The following CTNNA3 variants were observed in gnomAD, a reference collection of about 807,000 sequenced individuals.
CTNNA3 encodes the protein catenin alpha 3, also known as catenin alpha-3.
CTNNA3 carries 76 observed loss-of-function variants against 95.7 expected under a neutral mutation model. The ratio of observed to expected loss-of-function variants is 0.79; its 90% confidence interval spans 0.66 to 0.96. The LOEUF is 0.96. CTNNA3 is among the 40% of genes least tolerant of loss of function. The probability of loss-of-function intolerance (pLI) is 0.00; values close to 1 mark genes in which losing one functional copy is unlikely to be tolerated. For missense variants in CTNNA3, 1,191 were observed against 1,089.8 expected, an observed-to-expected ratio of 1.09 and a Z score of -1.31; for synonymous variants, 431 against 374.4, an observed-to-expected ratio of 1.15 and a Z score of -1.74.
At chr10:67,282,648 T>G (rs1839443891) in intron 5 of CTNNA3, among the ~76,000 whole-genome samples, 1 of 152,200 alleles carries the variant, frequency 6.6e-6, no homozygotes, top group South Asian at 2.1e-4. Flanking sequence ...TGAAATTGTC[T>G]CAGGGGTATG....
At chr10:67,029,859 T>C (rs1278205879) in intron 7 of CTNNA3, among the ~76,000 whole-genome samples, 2 of 152,166 alleles carry the variant, frequency 1.3e-5, no homozygotes, top group Admixed American at 6.5e-5. Context: ...CTAAAAACCA[T>C]TCTAAATAGA....
intron 2 of CTNNA3, among the ~76,000 whole-genome samples, chr10:67,634,602 C>T (rs918382408): frequency 2.0e-5 from 3 of 152,106 alleles, no homozygotes; most frequent in Non-Finnish European, 4.4e-5. Flanking sequence ...CAAAGACACA[C>T]ATCAGCTCAA....
At chr10:67,265,177 T>G (rs1349099254) in intron 5 of CTNNA3, among the ~76,000 whole-genome samples, 1 of 152,166 alleles carries the variant, frequency 6.6e-6, no homozygotes, top group Non-Finnish European at 1.5e-5. Flanking sequence ...TCTCCACATT[T>G]CCATCTTTTA....
At position 67,278,334 on chromosome 10, in the gene CTNNA3, G is replaced by T. The variant is rs190655726; in HGVS notation, c.580-58464C>A. Reference sequence around the variant, plus strand: ...GAGGTCCAGAGAACATGTGCCCAAGGTGGTCAGGGTACAGCTTGGTTTTAT... The same window carrying T: ...GAGGTCCAGAGAACATGTGCCCAAGTTGGTCAGGGTACAGCTTGGTTTTAT... On this transcript the variant is annotated intron_variant, in intron 5 of 17. Transcript: ENST00000433211. 2.4e-4 allele frequency among the ~76,000 whole-genome samples: 36 copies of T among 152,272 alleles called. 1 individual carries two copies. The highest frequency in any genetic ancestry group is 8.7e-4 in the African/African-American group (36 of 41,548).
chr10:66,624,595 G>A (rs187136783), intron 9 of CTNNA3, among the ~76,000 whole-genome samples: 4 of 152,138 alleles, frequency 2.6e-5, no homozygotes, highest in African/African-American at 7.2e-5. Context: ...TGGGTCCCCA[G>A]ACAAAATGAT....
intron 9 of CTNNA3, among the ~76,000 whole-genome samples, chr10:66,679,129 C>T (rs555559328): frequency 1.2e-4 from 19 of 152,070 alleles, no homozygotes; most frequent in African/African-American, 4.1e-4. Flanking sequence ...TCTGGTAGTG[C>T]CAAGGTGTTC....
intron 13 of CTNNA3, among the ~76,000 whole-genome samples, chr10:66,187,432 A>C (rs939602171): frequency 6.7e-6 from 1 of 150,302 alleles, no homozygotes; most frequent in Non-Finnish European, 1.5e-5. Flanking sequence ...TAACGCTTAC[A>C]AGTTTGTGTA....
At chr10:67,425,254 A>G (rs549818551) in intron 5 of CTNNA3, among the ~76,000 whole-genome samples, 2 of 152,240 alleles carry the variant, frequency 1.3e-5, no homozygotes, top group African/African-American at 2.4e-5. Context: ...GGTGCTAGAC[A>G]TACCCAAATG....
At chr10:66,808,664 G>A (rs1332669986) in intron 7 of CTNNA3, among the ~76,000 whole-genome samples, 2 of 152,104 alleles carry the variant, frequency 1.3e-5, no homozygotes, top group East Asian at 3.9e-4. Context: ...ATTCTGGTCT[G>A]TCCCACTCAG....
At chr10:67,443,473 TTAATGATTGCCGTTCTAA>T in intron 5 of CTNNA3, among the ~76,000 whole-genome samples, 1 of 151,922 alleles carries the variant, frequency 6.6e-6, no homozygotes, top group East Asian at 1.9e-4. Flanking sequence ...TCCTGACTTT[TTAATGATTGCCGTTCTAA>T]CTGGTGTGAG....
chr10:66,140,657 A>T (rs997670259), intron 13 of CTNNA3, among the ~76,000 whole-genome samples: 4 of 152,218 alleles, frequency 2.6e-5, no homozygotes, highest in Admixed American at 2.0e-4. Context: ...CTTTAGGAAC[A>T]TTCTGTCCTA....
At chr10:67,241,414 C>T (rs1433694837) in intron 5 of CTNNA3, among the ~76,000 whole-genome samples, 4 of 149,620 alleles carry the variant, frequency 2.7e-5, no homozygotes, top group Admixed American at 2.6e-4. Context: ...CAGAGTGAGA[C>T]TGTTTCAAAA....
intron 11 of CTNNA3, among the ~76,000 whole-genome samples, chr10:66,417,947 C>G (rs2093160134): frequency 6.6e-6 from 1 of 151,516 alleles, no homozygotes; most frequent in Admixed American, 6.6e-5. Context: ...CAATCCACCT[C>G]AACAAAGTGA....
intron 13 of CTNNA3, among the ~76,000 whole-genome samples, chr10:66,199,805 A>ATATATATTTTTTTTTT (rs1564756586): frequency 7.0e-5 from 1 of 14,292 alleles, no homozygotes; most frequent in Non-Finnish European, 1.1e-4. Flanking sequence ...ATATATATAT[A>ATATATATTTTTTTTTT]TTTTTTTTTT....
chr10:66,427,804 A>G (rs1377898552), intron 11 of CTNNA3, among the ~76,000 whole-genome samples: 2 of 152,178 alleles, frequency 1.3e-5, no homozygotes, highest in African/African-American at 4.8e-5. Context: ...AAACACTCCA[A>G]ATTGTAAAGA....
chr10:66,848,619 T>C (rs1327455138), intron 7 of CTNNA3, among the ~76,000 whole-genome samples: 1 of 152,172 alleles, frequency 6.6e-6, no homozygotes. Flanking sequence ...TATTTCACCT[T>C]ATGAGCTTAT....
At chr10:67,293,496 C>A (rs1473015279) in intron 5 of CTNNA3, among the ~76,000 whole-genome samples, 1 of 151,888 alleles carries the variant, frequency 6.6e-6, no homozygotes, top group Non-Finnish European at 1.5e-5. Context: ...ATTAAATTTT[C>A]TCCTCCTTCT....
At chr10:66,006,422 G>A (rs1283091592) in intron 15 of CTNNA3, among the ~76,000 whole-genome samples, 4 of 151,872 alleles carry the variant, frequency 2.6e-5, no homozygotes, top group Admixed American at 6.6e-5. Flanking sequence ...GTCATTATTC[G>A]TTGACACCCT....
At chr10:66,356,117 G>GTTTTTTTTT (rs1275052192) in intron 12 of CTNNA3, among the ~76,000 whole-genome samples, 8 of 104,682 alleles carry the variant, frequency 7.6e-5, no homozygotes, top group East Asian at 8.4e-4. Context: ...TTGTTTGCTT[G>GTTTTTTTTT]TTTTGTTTTT....
Sources: allele counts gnomAD v4.1 joint callset (sites outside exome capture counted in the v4.1 genomes callset), GRCh38; gene constraint gnomAD v4.1.1; transcripts MANE v1.5; gene names NCBI Gene and HGNC (gene_info 2026-07-23, HGNC 2026-07-21).